Variants in PPP2R2A observed in about 807,000 individuals in gnomAD.
PPP2R2A encodes protein phosphatase 2 regulatory subunit Balpha, also known as serine/threonine-protein phosphatase 2A 55 kDa regulatory subunit B alpha isoform.
PPP2R2A carries 9 observed loss-of-function variants against 53.2 expected under a neutral mutation model. The observed-to-expected ratio is 0.17, with a 90% CI of 0.10 to 0.30. The LOEUF is 0.30. PPP2R2A is among the 10% of genes least tolerant of loss of function. The pLI is 1.00. For missense variants in PPP2R2A, 235 were observed against 534.6 expected, an observed-to-expected ratio of 0.44 and a Z score of 5.53; for synonymous variants, 169 against 174.2, an observed-to-expected ratio of 0.97 and a Z score of 0.23.
intron 2 of PPP2R2A, among the ~76,000 whole-genome samples, chr8:26,313,577 C>G (rs1332726305): frequency 6.6e-6 from 1 of 152,140 alleles, no homozygotes; most frequent in African/African-American, 2.4e-5. Flanking sequence ...CCTTATATGG[C>G]AAAAGGACTT....
intron 2 of PPP2R2A, among the ~76,000 whole-genome samples, chr8:26,337,585 G>C (rs1227655564): frequency 2.0e-5 from 3 of 152,158 alleles, no homozygotes; most frequent in African/African-American, 7.2e-5. Context: ...AGTACTTACT[G>C]GTGTTTGGCT....
chr8:26,354,681 G>A lies in PPP2R2A; in HGVS notation c.346+48G>A. ...CATGTGCCCACTGTGTGTACCTGTTGCACATATCCTGTAGCCTAGGAGAGG... is the reference window on the plus strand; with the variant it reads ...CATGTGCCCACTGTGTGTACCTGTTACACATATCCTGTAGCCTAGGAGAGG... On this transcript the variant is annotated intron_variant, in intron 4 of 9. Transcript: ENST00000380737. The surrounding 1 kb of genome is among the most constrained non-coding windows in gnomAD (Gnocchi z 4.6). The A allele has an allele frequency of 7.2e-7, 1 of 1,396,026 alleles. No homozygotes were observed. The highest frequency in any genetic ancestry group is 9.5e-7 in the Non-Finnish European group (1 of 1,055,156). The allele number at this position is 1,396,026 out of a possible 1,614,324, so 86.5% of individuals were successfully genotyped here. A position where few individuals can be genotyped will look rare whatever the true frequency, so the allele number is the denominator to read the frequency against.
At chr8:26,350,355 G>A (rs566591006) in intron 3 of PPP2R2A, among the ~76,000 whole-genome samples, 4 of 152,172 alleles carry the variant, frequency 2.6e-5, no homozygotes, top group African/African-American at 7.2e-5. Flanking sequence ...GAGACATCAC[G>A]TCCGGCCTTG....
chr8:26,330,893 G>A (rs1050806103), intron 2 of PPP2R2A, among the ~76,000 whole-genome samples: 2 of 152,122 alleles, frequency 1.3e-5, no homozygotes, highest in African/African-American at 4.8e-5. Flanking sequence ...AGGATCAAAT[G>A]TTTGTTGTTA....
intron 4 of PPP2R2A, among the ~76,000 whole-genome samples, chr8:26,359,577 A>G (rs1049979543): frequency 1.3e-5 from 2 of 152,096 alleles, no homozygotes; most frequent in Non-Finnish European, 2.9e-5. Flanking sequence ...GGACTTGGGG[A>G]TGTATGCTTT....
chr8:26,328,866 A>G (rs548264656), intron 2 of PPP2R2A, among the ~76,000 whole-genome samples: 8 of 152,342 alleles, frequency 5.3e-5, no homozygotes, highest in African/African-American at 7.2e-5. Context: ...TTAAAAACCT[A>G]TGTTATGATA....
In PPP2R2A at chr8:26,371,616, T is replaced by A. The variant is rs1428847537; in HGVS notation, c.*1203T>A. The A allele has an allele frequency of 1.3e-5, 2 of 152,204 alleles. No homozygotes were observed. The allele number at this position is 152,204 out of a possible 1,614,324, so 9.4% of individuals were successfully genotyped here. A position where few individuals can be genotyped will look rare whatever the true frequency, so the allele number is the denominator to read the frequency against. Reference sequence around the variant, plus strand: ...ATCAAGTGACACTGCACTAAATACTTTTTTTGTATTTTACTGCTATCAAAT... The same window carrying A: ...ATCAAGTGACACTGCACTAAATACTATTTTTGTATTTTACTGCTATCAAAT... On this transcript the variant is annotated 3_prime_UTR_variant, in exon 10 of 10. Transcript: ENST00000380737.
At chr8:26,347,242 C>T (rs180817052) in intron 3 of PPP2R2A, among the ~76,000 whole-genome samples, 108 of 151,090 alleles carry the variant, frequency 7.1e-4, no homozygotes, top group Non-Finnish European at 9.7e-4. Context: ...AAACCAACTC[C>T]TTAAGGGTCC....
intron 2 of PPP2R2A, among the ~76,000 whole-genome samples, chr8:26,332,647 G>T (rs1222350399): frequency 1.3e-5 from 2 of 152,058 alleles, no homozygotes; most frequent in African/African-American, 4.8e-5. Flanking sequence ...GCCACATTAG[G>T]GGGTAGAATT....
At chr8:26,291,855 A>T in intron 1 of PPP2R2A, 29 bp downstream of exon 1, 1 of 1,607,512 alleles carries the variant, frequency 6.2e-7, no homozygotes, top group Non-Finnish European at 8.5e-7. Context: ...TCGCCCCCTG[A>T]CAAGGCACCG....
Position 26,371,526 on chromosome 8 carries a change from T to C in PPP2R2A, c.*1113T>C, listed in dbSNP as rs1158798298. 5.9e-5 allele frequency: 9 copies of C among 152,204 alleles called. No homozygotes were observed. Among genetic ancestry groups the C allele is most frequent in the South Asian group, 2.1e-4 (1 of 4,834 alleles). 9.4% of individuals were successfully genotyped at this position (152,204 alleles called of 1,614,324 possible). On this transcript the variant is annotated 3_prime_UTR_variant, in exon 10 of 10. Coordinates refer to ENST00000380737, the MANE Select transcript of PPP2R2A (RefSeq NM_002717.4). Reference sequence around the variant, plus strand: ...GCCTTACTAAATAGTCAAAGACTTATAAAACATTTTTAACAAGTTAGAACT... The same window carrying C: ...GCCTTACTAAATAGTCAAAGACTTACAAAACATTTTTAACAAGTTAGAACT...
intron 2 of PPP2R2A, among the ~76,000 whole-genome samples, chr8:26,334,559 C>A (rs138908713): frequency 2.6e-5 from 4 of 152,036 alleles, no homozygotes; most frequent in African/African-American, 9.7e-5. Context: ...TCCTGGCTAA[C>A]ACGGTGAAAC....
At chr8:26,357,683 G>A (rs931220715) in intron 4 of PPP2R2A, among the ~76,000 whole-genome samples, 7 of 152,084 alleles carry the variant, frequency 4.6e-5, no homozygotes, top group Non-Finnish European at 8.8e-5. Flanking sequence ...GTTTTTTAGG[G>A]TCTTACATAA....
Position 26,372,277 on chromosome 8 carries a change from C to T in PPP2R2A, c.*1864C>T, listed in dbSNP as rs1475311912. ...ATTCTTAATTTGTGTTTATTCTTCA[C>T]GCTTGACTTGCAAGTGGGATATTCC... On this transcript the variant is annotated 3_prime_UTR_variant, in exon 10 of 10. Coordinates refer to ENST00000380737, the MANE Select transcript of PPP2R2A (RefSeq NM_002717.4). 1 of 152,166 alleles carries T rather than the reference C, an allele frequency of 6.6e-6. No homozygotes were observed. Among genetic ancestry groups the T allele is most frequent in the Non-Finnish European group, 1.5e-5 (1 of 68,040 alleles). The allele number at this position is 152,166 out of a possible 1,614,324, so 9.4% of individuals were successfully genotyped here. A position where few individuals can be genotyped will look rare whatever the true frequency, so the allele number is the denominator to read the frequency against.
At chr8:26,293,989 G>T (rs749473460) in intron 2 of PPP2R2A, 22 of 443,424 alleles carry the variant, frequency 5.0e-5, no homozygotes, top group Non-Finnish European at 8.1e-5. Context: ...AGACATATAA[G>T]ATCCTCACAT....
rs934087020 is a variant in PPP2R2A at position 26,360,419 on chromosome 8, G to A, written c.459+138G>A. The stretch of plus-strand genomic sequence containing the variant: ...TAATTCTGTAATCAGGTAGGACATT[G>A]AGTAACTCATTTAAACATAGAAACT... On this transcript the variant is annotated intron_variant, in intron 5 of 9. Coordinates refer to ENST00000380737, the MANE Select transcript of PPP2R2A (RefSeq NM_002717.4). This position sits in a 1 kb window ranked among gnomAD's most constrained non-coding sequence, Gnocchi z 4.5. The A allele has an allele frequency of 7.6e-6, 4 of 525,552 alleles. No individual in the cohort carries two copies. In the African/African-American group the frequency reaches 7.7e-5, roughly 10 times the overall value. The allele number at this position is 525,552 out of a possible 1,614,324, so 32.6% of individuals were successfully genotyped here.
chr8:26,302,175 T>G (rs1801818340), intron 2 of PPP2R2A, among the ~76,000 whole-genome samples: 1 of 152,210 alleles, frequency 6.6e-6, no homozygotes, highest in African/African-American at 2.4e-5. Context: ...CTATAGTTAT[T>G]CAGACTTGGA....
chr8:26,334,462 C>T (rs183893305), intron 2 of PPP2R2A, among the ~76,000 whole-genome samples: 1 of 152,250 alleles, frequency 6.6e-6, no homozygotes, highest in African/African-American at 2.4e-5. Context: ...AAGTCAGTAT[C>T]CGGCCAGGTA....
intron 2 of PPP2R2A, among the ~76,000 whole-genome samples, chr8:26,325,832 TTTATTTTTTA>T (rs1243395658): frequency 6.6e-6 from 1 of 152,146 alleles, no homozygotes; most frequent in Non-Finnish European, 1.5e-5. Context: ...CTTATTTTTA[TTTATTTTTTA>T]TTATTTTTTG....
Sources: gnomAD v4.1 joint callset for allele counts (sites outside exome capture counted in the v4.1 genomes callset) on GRCh38, gnomAD v4.1.1 for gene constraint, Gnocchi (gnomAD v3.1) non-coding constraint, MANE v1.5 for transcripts, NCBI Gene and HGNC (gene_info 2026-07-23, HGNC 2026-07-21) for gene names.